TSHZ2: variants seen among roughly 807,000 people sequenced by gnomAD.
TSHZ2 encodes the protein teashirt zinc finger homeobox 2.
Under a neutral mutation model 74.4 loss-of-function variants are expected in TSHZ2, and 21 were observed. The observed-to-expected ratio is 0.28, with a 90% CI of 0.20 to 0.41. TSHZ2 has a LOEUF of 0.41. TSHZ2 is among the 10% of genes least tolerant of loss of function. The pLI, the probability that TSHZ2 is intolerant of heterozygous loss-of-function variation, is 1.00. For missense variants in TSHZ2, 1,244 were observed against 1,293.5 expected, an observed-to-expected ratio of 0.96 and a Z score of 0.59; for synonymous variants, 540 against 515.3, an observed-to-expected ratio of 1.05 and a Z score of -0.65.
At chr20:53,147,457 C>T (rs1008603519) in intron 1 of TSHZ2, among the ~76,000 whole-genome samples, 1 of 152,168 alleles carries the variant, frequency 6.6e-6, no homozygotes, top group African/African-American at 2.4e-5. Context: ...CTTCTTCAAT[C>T]CAGTCTAGAA....
intron 1 of TSHZ2, among the ~76,000 whole-genome samples, chr20:53,201,700 T>A (rs187943078): frequency 1.3e-5 from 2 of 151,702 alleles, no homozygotes; most frequent in East Asian, 3.9e-4. Context: ...GGCTGTGAGG[T>A]TTCAAGCCTC....
chr20:53,480,647 A>C (rs1395967787), intron 2 of TSHZ2, among the ~76,000 whole-genome samples: 2 of 152,192 alleles, frequency 1.3e-5, no homozygotes, highest in East Asian at 3.8e-4. Flanking sequence ...TGTCTCACAC[A>C]TTGCAAGGAG....
intron 1 of TSHZ2, among the ~76,000 whole-genome samples, chr20:53,162,024 T>C (rs1428135339): frequency 1.3e-5 from 2 of 152,226 alleles, no homozygotes; most frequent in African/African-American, 4.8e-5. Flanking sequence ...AGTGACTATA[T>C]GGCAAATCTG....
rs188447984 is a variant in TSHZ2 at position 53,254,893 on chromosome 20, G to A, written c.1435G>A (p.Val479Met). 207 of 1,614,100 alleles carry A rather than the reference G, an allele frequency of 1.3e-4. No individual in the cohort carries two copies. The Middle Eastern group carries it at 1.5e-3, about 12-fold the overall frequency. The change falls in exon 2 of 3, where the codon GTG (valine) becomes ATG (methionine). Residue 479 changes from valine (V) to methionine (M), a missense_variant. By Grantham distance (21) the Val-to-Met change is conservative. This residue lies in a region of TSHZ2 where 562 missense variants were observed against 544.0 expected (regional missense o/e 1.03). Coordinates refer to ENST00000371497, the MANE Select transcript of TSHZ2 (RefSeq NM_173485.6). ...GGAAACCAGCAAGGATGAGAAAGTCGTGAAAAGCGAGGACTATGAAGATCC... is the reference window on the plus strand; with the variant it reads ...GGAAACCAGCAAGGATGAGAAAGTCATGAAAAGCGAGGACTATGAAGATCC... ...PEETSKDEKVVKSEDYEDPLQ... is the reference protein window; with the variant it reads ...PEETSKDEKVMKSEDYEDPLQ...
chr20:53,316,001 AC>A (rs1349203432), intron 2 of TSHZ2, among the ~76,000 whole-genome samples: 1 of 152,014 alleles, frequency 6.6e-6, no homozygotes, highest in East Asian at 1.9e-4. Context: ...ACATAATAAG[AC>A]CCCTTGGAAG....
intron 2 of TSHZ2, among the ~76,000 whole-genome samples, chr20:53,370,909 A>T (rs1052758782): frequency 6.6e-6 from 1 of 152,200 alleles, no homozygotes; most frequent in South Asian, 2.1e-4. Context: ...ATTCTCTCGC[A>T]GTTGTGGACG....
intron 1 of TSHZ2, chr20:53,185,738 A>G: frequency 6.5e-7 from 1 of 1,534,418 alleles, no homozygotes; most frequent in Non-Finnish European, 8.7e-7. Flanking sequence ...CTCTTGCTAA[A>G]TGGATGTTCA....
intron 1 of TSHZ2, among the ~76,000 whole-genome samples, chr20:53,163,588 T>C (rs1260003517): frequency 1.3e-5 from 2 of 152,092 alleles, no homozygotes; most frequent in Non-Finnish European, 2.9e-5. Context: ...TATCTCCCAA[T>C]GCTGTCTCTT....
At chr20:53,428,685 A>G (rs928948990) in intron 2 of TSHZ2, among the ~76,000 whole-genome samples, 17 of 152,192 alleles carry the variant, frequency 1.1e-4, no homozygotes, top group African/African-American at 4.1e-4. Flanking sequence ...GAAAATGCAA[A>G]TTCTCTAACT....
At chr20:53,033,949 C>T (rs568203483) in intron 1 of TSHZ2, among the ~76,000 whole-genome samples, 3 of 152,160 alleles carry the variant, frequency 2.0e-5, no homozygotes, top group South Asian at 2.1e-4. Flanking sequence ...CATGAGCCAC[C>T]GTGCCCTGCC....
At chr20:53,348,529 A>G (rs1196428846) in intron 2 of TSHZ2, among the ~76,000 whole-genome samples, 1 of 138,582 alleles carries the variant, frequency 7.2e-6, no homozygotes, top group Non-Finnish European at 1.5e-5. Context: ...ATTTAGAAAA[A>G]AAAAGAAAAG....
At chr20:53,101,005 G>T (rs1320576738) in intron 1 of TSHZ2, among the ~76,000 whole-genome samples, 1 of 152,164 alleles carries the variant, frequency 6.6e-6, no homozygotes, top group Non-Finnish European at 1.5e-5. Flanking sequence ...AGGGGTGGGA[G>T]AAAATGAATT....
chr20:53,067,350 A>G (rs897819602), intron 1 of TSHZ2, among the ~76,000 whole-genome samples: 3 of 152,228 alleles, frequency 2.0e-5, no homozygotes, highest in Non-Finnish European at 4.4e-5. Flanking sequence ...TAATTCAGAG[A>G]AAAACAACTC....
chr20:53,457,413 C>G (rs1483594528), intron 2 of TSHZ2, among the ~76,000 whole-genome samples: 2 of 113,676 alleles, frequency 1.8e-5, no homozygotes, highest in Non-Finnish European at 3.5e-5. Context: ...GATTTTGTAT[C>G]CTGAGACTTT....
At chr20:53,182,059 C>T (rs768916778) in intron 1 of TSHZ2, among the ~76,000 whole-genome samples, 3 of 152,192 alleles carry the variant, frequency 2.0e-5, no homozygotes, top group Non-Finnish European at 2.9e-5. Context: ...ACACCTACTA[C>T]GTGCCACATA....
intron 1 of TSHZ2, among the ~76,000 whole-genome samples, chr20:53,160,820 C>T (rs1397403408): frequency 1.3e-5 from 2 of 149,870 alleles, no homozygotes; most frequent in Admixed American, 6.6e-5. Context: ...CCTCTGGAAA[C>T]ATTTTTCTTT....
chr20:53,407,081 G>A (rs143482264), intron 2 of TSHZ2, among the ~76,000 whole-genome samples: 171 of 152,322 alleles, frequency 1.1e-3, no homozygotes, highest in African/African-American at 3.9e-3. Flanking sequence ...CATGTGTACA[G>A]TGACCCCTGA....
intron 2 of TSHZ2, among the ~76,000 whole-genome samples, chr20:53,257,114 G>A (rs1990499655): frequency 6.6e-6 from 1 of 152,152 alleles, no homozygotes; most frequent in Non-Finnish European, 1.5e-5. Context: ...CTTTTTTGCA[G>A]CTTACTTTTA....
chr20:53,023,393 A>C (rs1983315810), intron 1 of TSHZ2, among the ~76,000 whole-genome samples: 1 of 152,210 alleles, frequency 6.6e-6, no homozygotes, highest in Non-Finnish European at 1.5e-5. Context: ...ATTGTTAAGC[A>C]TTAAACCTCA....
Sources: gnomAD v4.1 joint callset for allele counts (sites outside exome capture counted in the v4.1 genomes callset) on GRCh38, gnomAD v4.1.1 for gene constraint, gnomAD v4.1.1 regional missense constraint, MANE v1.5 for transcripts, NCBI Gene and HGNC (gene_info 2026-07-23, HGNC 2026-07-21) for gene names.